FGGY: variants seen among roughly 807,000 people sequenced by gnomAD.
FGGY encodes the protein FGGY carbohydrate kinase domain-containing protein.
FGGY carries 72 observed loss-of-function variants against 71.3 expected under a neutral mutation model. That is an observed-to-expected ratio of 1.01 (90% CI 0.84 to 1.23). The LOEUF (loss-of-function observed/expected upper bound fraction) is 1.23, where lower values mean the gene tolerates loss of function less well. Among genes scored for constraint, FGGY ranks in the 50% most tolerant of loss-of-function variants. The probability of loss-of-function intolerance (pLI) is 0.00; values close to 1 mark genes in which losing one functional copy is unlikely to be tolerated. For synonymous variants in FGGY, 251 were observed against 250.3 expected, an observed-to-expected ratio of 1.00 and a Z score of -0.02; for missense variants, 668 against 682.3, an observed-to-expected ratio of 0.98 and a Z score of 0.23.
intron 5 of FGGY, among the ~76,000 whole-genome samples, chr1:59,418,720 T>G (rs72664559): frequency 0.19 from 28,119 of 151,674 alleles, 2,880 homozygotes; most frequent in East Asian, 0.36. Context: ...TTTTCTTTTT[T>G]TGTGTGTGTG....
chr1:59,323,341 C>T (rs989409223), intron 2 of FGGY, among the ~76,000 whole-genome samples: 1 of 152,208 alleles, frequency 6.6e-6, no homozygotes, highest in Non-Finnish European at 1.5e-5. Flanking sequence ...TGTTTGAGCC[C>T]TGTTAGCTGC....
At chr1:59,554,278 TG>T in intron 8 of FGGY, 51 bp downstream of exon 8, 1 of 1,434,830 alleles carries the variant, frequency 7.0e-7, no homozygotes, top group Non-Finnish European at 9.7e-7. Context: ...GGAGGTAGCC[TG>T]GAAGGAGACC....
chr1:59,629,494 G>A (rs1167947670), intron 10 of FGGY, among the ~76,000 whole-genome samples: 1 of 152,172 alleles, frequency 6.6e-6, no homozygotes, highest in African/African-American at 2.4e-5. Context: ...TTACCATTGA[G>A]AGGGATTATG....
chr1:59,551,682 A>G (rs1054742270), intron 7 of FGGY, among the ~76,000 whole-genome samples: 1 of 152,220 alleles, frequency 6.6e-6, no homozygotes, highest in South Asian at 2.1e-4. Context: ...AATGTGAATC[A>G]CAGCCCAGTT....
chr1:59,624,037 T>G (rs1250128216), intron 9 of FGGY, among the ~76,000 whole-genome samples: 1 of 152,128 alleles, frequency 6.6e-6, no homozygotes, highest in Non-Finnish European at 1.5e-5. Flanking sequence ...GATTGCAAAC[T>G]CAGGGGATCC....
chr1:59,574,953 A>T (rs543499729), intron 8 of FGGY, among the ~76,000 whole-genome samples: 1 of 152,298 alleles, frequency 6.6e-6, no homozygotes, highest in East Asian at 1.9e-4. Context: ...TATGGTTTTT[A>T]AAAAGTGTAT....
chr1:59,662,148 T>C (rs1238693013), intron 12 of FGGY, among the ~76,000 whole-genome samples: 1 of 150,620 alleles, frequency 6.6e-6, no homozygotes, highest in Non-Finnish European at 1.5e-5. Context: ...GGTGAAACCC[T>C]GTCTCTACTA....
intron 8 of FGGY, among the ~76,000 whole-genome samples, chr1:59,576,286 A>G (rs1474784449): frequency 3.3e-5 from 5 of 152,120 alleles, no homozygotes; most frequent in Non-Finnish European, 7.4e-5. Context: ...ATTCTCAGCA[A>G]ACTAACACAG....
chr1:59,403,083 TA>T (rs1010445609), intron 5 of FGGY, among the ~76,000 whole-genome samples: 3 of 152,134 alleles, frequency 2.0e-5, no homozygotes, highest in African/African-American at 7.2e-5. Context: ...TTAAAGGTTA[TA>T]GAGTTGTGGA....
At chr1:59,432,559 C>G (rs1382742213) in intron 5 of FGGY, among the ~76,000 whole-genome samples, 1 of 152,202 alleles carries the variant, frequency 6.6e-6, no homozygotes, top group African/African-American at 2.4e-5. Flanking sequence ...GAAAATCCCT[C>G]ACACACGTGA....
At chr1:59,488,518 ATATT>A (rs2093724691) in intron 6 of FGGY, among the ~76,000 whole-genome samples, 1 of 148,128 alleles carries the variant, frequency 6.8e-6, no homozygotes, top group Non-Finnish European at 1.5e-5. Flanking sequence ...TATTATGTAT[ATATT>A]ATATATAAAT....
intron 5 of FGGY, among the ~76,000 whole-genome samples, chr1:59,410,805 TATA>T: frequency 6.6e-6 from 1 of 152,292 alleles, no homozygotes; most frequent in Middle Eastern, 3.4e-3. Flanking sequence ...TAAAAAATAT[TATA>T]ATGTGTTCAT....
chr1:59,661,694 TTTTG>T (rs2097275529), intron 12 of FGGY, among the ~76,000 whole-genome samples: 1 of 89,972 alleles, frequency 1.1e-5, no homozygotes, highest in Non-Finnish European at 2.3e-5. Context: ...TAAGAGGGTG[TTTTG>T]TTTTTGTTTT....
chr1:59,667,372 C>A lies in FGGY; in HGVS notation c.1386C>A (p.Pro462=). 1 of 1,614,104 alleles carries A rather than the reference C, an allele frequency of 6.2e-7. No individual in the cohort carries two copies. The highest frequency in any genetic ancestry group is 8.5e-7 in the Non-Finnish European group (1 of 1,180,010). The change falls in exon 13 of 16, where the codon CCC becomes CCA. Residue 462 remains proline, a synonymous_variant. Coordinates refer to ENST00000303721, the MANE Select transcript of FGGY (RefSeq NM_018291.5). ...TATGTGGAGGCCTCAGCAAGAATCC[C>A]CTTTTTGTGCAAATGCATGCGGACA... The part of the protein sequence containing the change: ...LFLCGGLSKN[P]LFVQMHADIT...
intron 7 of FGGY, among the ~76,000 whole-genome samples, chr1:59,535,364 C>A (rs1342336613): frequency 3.3e-5 from 5 of 152,248 alleles, no homozygotes; most frequent in East Asian, 3.9e-4. Flanking sequence ...GAGACTTAGA[C>A]TCCCACACAT....
Position 59,357,646 on chromosome 1 carries a change from T to C in FGGY, c.465+11248T>C, listed in dbSNP as rs754154405. On this transcript the variant is annotated intron_variant, in intron 4 of 15. Coordinates refer to ENST00000303721, the MANE Select transcript of FGGY (RefSeq NM_018291.5). Reference sequence around the variant, plus strand: ...GTACCATGTTTCTTCCTCATTTGGGTTGGTGGATTTTCAGCTCCATAAAAG... The same window carrying C: ...GTACCATGTTTCTTCCTCATTTGGGCTGGTGGATTTTCAGCTCCATAAAAG... Among the ~76,000 whole-genome samples the C allele has an allele frequency of 8.0e-4, 122 of 152,298 alleles. 1 individual carries two copies. The Middle Eastern group carries it at 0.014, about 17-fold the overall frequency.
rs540514655 is a variant in FGGY, at chr1:59,380,258, A to C, written c.554+1421A>C. ...GTGAATAGTGCCACAATAAACATACATGTGCATGTGTCTTTATAGCAGCAT... is the reference window on the plus strand; with the variant it reads ...GTGAATAGTGCCACAATAAACATACCTGTGCATGTGTCTTTATAGCAGCAT... On this transcript the variant is annotated intron_variant, in intron 5 of 15. Transcript: ENST00000303721. Among the ~76,000 whole-genome samples, 24 of 151,582 alleles carry C rather than the reference A, an allele frequency of 1.6e-4. 2 individuals are homozygous for C. The highest frequency in any genetic ancestry group is 5.6e-4 in the African/African-American group (23 of 40,920).
intron 6 of FGGY, among the ~76,000 whole-genome samples, chr1:59,495,101 T>G (rs1350089441): frequency 2.0e-5 from 3 of 152,066 alleles, no homozygotes; most frequent in African/African-American, 7.2e-5. Context: ...CTCTAATGAT[T>G]AACACTTTTT....
intron 3 of FGGY, among the ~76,000 whole-genome samples, chr1:59,345,879 T>A (rs949767750): frequency 2.6e-5 from 4 of 152,240 alleles, no homozygotes; most frequent in Admixed American, 6.5e-5. Context: ...TGTCTTAGTC[T>A]TATTTCATAG....
Sources: gnomAD v4.1 joint callset for allele counts (sites outside exome capture counted in the v4.1 genomes callset) on GRCh38, gnomAD v4.1.1 for gene constraint, MANE v1.5 for transcripts, NCBI Gene and HGNC (gene_info 2026-07-23, HGNC 2026-07-21) for gene names.